BNIP5: variants seen among roughly 807,000 people sequenced by gnomAD.
BNIP5 encodes the protein BCL2 interacting protein 5, also known as protein BNIP5.
In BNIP5, 61 loss-of-function variants were observed where a neutral mutation model predicts 67.3. The observed-to-expected ratio is 0.91, with a 90% confidence interval of 0.74 to 1.12. The LOEUF (loss-of-function observed/expected upper bound fraction) is 1.12. BNIP5 is among the 50% of genes most tolerant of loss of function. The pLI, the probability that BNIP5 is intolerant of heterozygous loss-of-function variation, is 0.00. For missense variants in BNIP5, 826 were observed against 816.3 expected, an observed-to-expected ratio of 1.01 and a Z score of -0.14; for synonymous variants, 317 against 319.0, an observed-to-expected ratio of 0.99 and a Z score of 0.07.
intron 9 of BNIP5, 144 bp downstream of exon 9, chr6:36,322,166 CT>C: frequency 9.8e-7 from 1 of 1,017,510 alleles, no homozygotes; most frequent in Admixed American, 1.8e-5. Context: ...CCTGTGCCCC[CT>C]GCCCCATCCT....
chr6:36,317,793 A>G (rs959594707), intron 11 of BNIP5, among the ~76,000 whole-genome samples: 1 of 150,760 alleles, frequency 6.6e-6, no homozygotes, highest in Non-Finnish European at 1.5e-5. Context: ...GAGGCTGTCA[A>G]TAGCTACCAG....
chr6:36,319,826 A>T (rs874407), intron 10 of BNIP5, among the ~76,000 whole-genome samples: 15,352 of 152,228 alleles, frequency 0.1, 1,248 homozygotes, highest in East Asian at 0.38. Flanking sequence ...GGGTGGAAGT[A>T]CAGGTCTTTA....
chr6:36,335,792 C>T (rs1356338895), intron 1 of BNIP5, among the ~76,000 whole-genome samples: 3 of 152,196 alleles, frequency 2.0e-5, no homozygotes, highest in Non-Finnish European at 4.4e-5. Context: ...GGTCACATAG[C>T]CGGGAAGCAG....
rs372951451 is a variant in BNIP5, at chr6:36,330,775, G to GT, written c.-4-82dup. On this transcript the variant is annotated intron_variant, in intron 1 of 11. Transcript: ENST00000437635. ...TTGTTTGTTTGTTTTGTTTGTTTTTGTTTTTTATGACGGAGCCTCGGTCTA... is the reference window on the plus strand; with the variant it reads ...TTGTTTGTTTGTTTTGTTTGTTTTTGTTTTTTTATGACGGAGCCTCGGTCTA... 23 of 1,485,412 alleles carry GT rather than the reference G, an allele frequency of 1.5e-5. No individual in the cohort carries two copies. In the African/African-American group the frequency reaches 2.4e-4, roughly 15 times the overall value. 92.0% of individuals were successfully genotyped at this position (1,485,412 alleles called of 1,614,324 possible).
At chr6:36,319,973 ATG>A (rs1489933195) in intron 10 of BNIP5, among the ~76,000 whole-genome samples, 1 of 152,214 alleles carries the variant, frequency 6.6e-6, no homozygotes, top group Non-Finnish European at 1.5e-5. Flanking sequence ...TGCACTTACT[ATG>A]TGTGTGAGCC....
intron 11 of BNIP5, among the ~76,000 whole-genome samples, chr6:36,318,432 C>T (rs895357875): frequency 6.6e-6 from 1 of 151,818 alleles, no homozygotes; most frequent in Non-Finnish European, 1.5e-5. Flanking sequence ...ATCAGGCCAG[C>T]TGTGGTGGCT....
intron 1 of BNIP5, among the ~76,000 whole-genome samples, chr6:36,335,582 G>A (rs1226007495): frequency 6.6e-6 from 1 of 152,242 alleles, no homozygotes; most frequent in Non-Finnish European, 1.5e-5. Context: ...ACCTGAGCCT[G>A]GGAGGCTCTC....
intron 5 of BNIP5, among the ~76,000 whole-genome samples, 177 bp downstream of exon 5, chr6:36,326,333 G>A (rs1771759838): frequency 6.6e-6 from 1 of 152,234 alleles, no homozygotes; most frequent in South Asian, 2.1e-4. Context: ...GTGTGTGGAG[G>A]TGACCTGCTG....
intron 1 of BNIP5, among the ~76,000 whole-genome samples, chr6:36,331,785 C>T (rs1209161335): frequency 6.6e-6 from 1 of 152,174 alleles, no homozygotes; most frequent in Non-Finnish European, 1.5e-5. Flanking sequence ...CTACCTCGGT[C>T]TCTCAAAGTG....
chr6:36,330,096 C>T lies in BNIP5; in HGVS notation c.595G>A (p.Gly199Ser), dbSNP rs754522819. The stretch of plus-strand genomic sequence containing the variant: ...GTCCGCTCACCCCTGCGAGCTGGGC[C>T]CAGGTCAGCCTCCCCGGAGCGCAAG... ...AALRSGEADL[G>S]PARRGGEDSD... Residue 199 changes from glycine (G) to serine (S), a missense_variant, in exon 2 of 12, where the codon GGC (glycine) becomes AGC (serine). By Grantham distance (56) the Gly-to-Ser change is moderately conservative (BLOSUM62 0). Transcript: ENST00000437635. The T allele has an allele frequency of 5.6e-6, 9 of 1,605,888 alleles. No individual in the cohort carries two copies. Among genetic ancestry groups the T allele is most frequent in the African/African-American group, 1.3e-5 (1 of 74,676 alleles).
chr6:36,335,046 G>A (rs1447033537), intron 1 of BNIP5, among the ~76,000 whole-genome samples: 1 of 152,210 alleles, frequency 6.6e-6, no homozygotes, highest in Non-Finnish European at 1.5e-5. Context: ...TCACAAGACT[G>A]CTTCTGATAA....
chr6:36,329,291 A>G (rs1477556672), intron 2 of BNIP5, among the ~76,000 whole-genome samples: 3 of 152,240 alleles, frequency 2.0e-5, no homozygotes, highest in Non-Finnish European at 4.4e-5. Context: ...TGTGCTCCTA[A>G]AACTATAGGA....
Position 36,330,363 on chromosome 6 carries a change from T to A in BNIP5, c.328A>T (p.Thr110Ser). Residue 110 changes from threonine (T) to serine (S), a missense_variant, in exon 2 of 12, where the codon ACG (threonine) becomes TCG (serine). Transcript: ENST00000437635. ...TTTTCTCTGGGCTCCTCAGGGCCCG[T>A]CCTCACGAAGAAGTTCAGCATGGTC... ...LKTMLNFFVRTGPEEPREKAS... is the reference protein window; with the variant it reads ...LKTMLNFFVRSGPEEPREKAS... The A allele has an allele frequency of 1.2e-6, 2 of 1,614,156 alleles. No homozygotes were observed. Among genetic ancestry groups the A allele is most frequent in the Non-Finnish European group, 1.7e-6 (2 of 1,180,016 alleles).
intron 5 of BNIP5, 100 bp downstream of exon 5, chr6:36,326,410 G>A (rs1330299700): frequency 2.7e-6 from 4 of 1,454,906 alleles, no homozygotes; most frequent in Non-Finnish European, 3.7e-6. Flanking sequence ...GTCAGACCAG[G>A]CACAACGCAA....
At position 36,319,560 on chromosome 6, in the gene BNIP5, G is replaced by A; in HGVS notation, c.1719C>T (p.Ser573=). The A allele has an allele frequency of 6.2e-7, 1 of 1,614,130 alleles. No individual in the cohort carries two copies. The highest frequency in any genetic ancestry group is 8.5e-7 in the Non-Finnish European group (1 of 1,179,980). The change falls in exon 11 of 12, where the codon TCC becomes TCT. Residue 573 remains serine, a synonymous_variant. Transcript: ENST00000437635. Reference sequence around the variant, plus strand: ...GGGTGGCTACCAGCTTGCTGAGGGAGGAGTCCGAGAACTCGTAAAAAAACC... The same window carrying A: ...GGGTGGCTACCAGCTTGCTGAGGGAAGAGTCCGAGAACTCGTAAAAAAACC... ...FKRFFYEFSD[S]SLSKLVATLR...
At chr6:36,322,279 G>A (rs757978952) in intron 9 of BNIP5, 32 bp downstream of exon 9, 44 of 1,613,308 alleles carry the variant, frequency 2.7e-5, no homozygotes, top group Non-Finnish European at 3.2e-5. Flanking sequence ...CACCCGGGAA[G>A]CTGTCCAGGT....
chr6:36,319,536 G>T lies in BNIP5; in HGVS notation c.1743C>A (p.Thr581=). ...SDSSLSKLVA[T]LRSQVAHSSK... is the part of the protein sequence containing the mutation. ...AGGAGTGAGCCACCTGGCTGCGCAG[G>T]GTGGCTACCAGCTTGCTGAGGGAGG... The change falls in exon 11 of 12, where the codon ACC becomes ACA. Residue 581 remains threonine, a synonymous_variant. Transcript: ENST00000437635. The T allele has an allele frequency of 6.2e-7, 1 of 1,614,126 alleles. No individual in the cohort carries two copies. The highest frequency in any genetic ancestry group is 8.5e-7 in the Non-Finnish European group (1 of 1,180,000).
At chr6:36,327,005 G>C in intron 4 of BNIP5, 25 bp downstream of exon 4, 1 of 1,606,124 alleles carries the variant, frequency 6.2e-7, no homozygotes, top group South Asian at 1.1e-5. Flanking sequence ...AGAGCCCCTG[G>C]AGACCTGCAA....
At chr6:36,330,019 G>C (rs763930748) in intron 2 of BNIP5, 62 bp downstream of exon 2, 7 of 1,504,576 alleles carry the variant, frequency 4.7e-6, no homozygotes, top group Middle Eastern at 2.1e-4. Context: ...CTGTGGAGAG[G>C]CTCCTGGAGC....
Sources: allele counts gnomAD v4.1 joint callset (sites outside exome capture counted in the v4.1 genomes callset), GRCh38; gene constraint gnomAD v4.1.1; transcripts MANE v1.5; gene names NCBI Gene and HGNC (gene_info 2026-07-23, HGNC 2026-07-21).